Variants in ST6GALNAC3 observed in about 807,000 individuals in gnomAD.
ST6GALNAC3 encodes ST6 N-acetylgalactosaminide alpha-2,6-sialyltransferase 3, also known as alpha-N-acetylgalactosaminide alpha-2,6-sialyltransferase 3.
In ST6GALNAC3, 25 loss-of-function variants were observed where a neutral mutation model predicts 32.7. The ratio of observed to expected loss-of-function variants is 0.76; its 90% CI spans 0.56 to 1.07. The LOEUF (loss-of-function observed/expected upper bound fraction) is 1.07. Ranked by LOEUF, ST6GALNAC3 falls within the 50% of genes least tolerant of loss-of-function variation. The pLI is 0.00. For synonymous variants in ST6GALNAC3, 129 were observed against 133.1 expected, an observed-to-expected ratio of 0.97 and a Z score of 0.21; for missense variants, 355 against 382.4, an observed-to-expected ratio of 0.93 and a Z score of 0.60.
intron 1 of ST6GALNAC3, among the ~76,000 whole-genome samples, chr1:76,287,387 CT>C (rs5775339): frequency 0.26 from 33,654 of 130,258 alleles, 2,711 homozygotes; most frequent in South Asian, 0.36. Context: ...TTTTTTCTTC[CT>C]TTTTTTTTTT....
At chr1:76,421,096 T>C (rs1655000970) in intron 3 of ST6GALNAC3, among the ~76,000 whole-genome samples, 1 of 152,086 alleles carries the variant, frequency 6.6e-6, no homozygotes, top group South Asian at 2.1e-4. Flanking sequence ...AATAAATAAA[T>C]GGACGAGTAA....
intron 1 of ST6GALNAC3, among the ~76,000 whole-genome samples, chr1:76,269,656 G>GA (rs1459883695): frequency 8.5e-5 from 13 of 152,206 alleles, no homozygotes; most frequent in African/African-American, 3.1e-4. Context: ...TAATGGAACT[G>GA]ACTCTCCTAC....
intron 2 of ST6GALNAC3, among the ~76,000 whole-genome samples, chr1:76,380,705 C>A (rs1305328107): frequency 6.6e-6 from 1 of 152,002 alleles, no homozygotes; most frequent in Non-Finnish European, 1.5e-5. Flanking sequence ...ACCTGGATGA[C>A]AAAGAAGCAT....
intron 3 of ST6GALNAC3, among the ~76,000 whole-genome samples, chr1:76,480,059 G>A (rs1443425727): frequency 2.0e-5 from 3 of 152,134 alleles, no homozygotes; most frequent in East Asian, 3.9e-4. Flanking sequence ...GTAATTAAAT[G>A]TGTGAAACTA....
At chr1:76,596,629 G>A (rs1461745425) in intron 3 of ST6GALNAC3, among the ~76,000 whole-genome samples, 4 of 152,174 alleles carry the variant, frequency 2.6e-5, no homozygotes, top group East Asian at 3.9e-4. Flanking sequence ...ATCTCATTTC[G>A]GGAAATAAAG....
chr1:76,303,683 C>G (rs1282162777), intron 1 of ST6GALNAC3, among the ~76,000 whole-genome samples: 1 of 152,022 alleles, frequency 6.6e-6, no homozygotes, highest in Non-Finnish European at 1.5e-5. Context: ...AGGATTCTAG[C>G]TTTAAGTGTT....
intron 1 of ST6GALNAC3, among the ~76,000 whole-genome samples, chr1:76,156,791 G>A (rs1297007973): frequency 1.3e-5 from 2 of 152,108 alleles, no homozygotes; most frequent in East Asian, 3.9e-4. Flanking sequence ...GAGTACAGTG[G>A]CGCGATCTTG....
chr1:76,612,008 C>G (rs1172606911), intron 3 of ST6GALNAC3, among the ~76,000 whole-genome samples: 1 of 152,216 alleles, frequency 6.6e-6, no homozygotes, highest in Admixed American at 6.5e-5. Context: ...GGCCATTCCA[C>G]AGTAAAGACA....
chr1:76,209,449 C>G (rs964350856), intron 1 of ST6GALNAC3, among the ~76,000 whole-genome samples: 1 of 152,148 alleles, frequency 6.6e-6, no homozygotes, highest in African/African-American at 2.4e-5. Flanking sequence ...ATTTGCCAAG[C>G]CTTGCATCTG....
chr1:76,435,693 T>G (rs1656091482), intron 3 of ST6GALNAC3, among the ~76,000 whole-genome samples: 4 of 152,110 alleles, frequency 2.6e-5, no homozygotes, highest in Admixed American at 2.6e-4. Flanking sequence ...AAAAGTAGTT[T>G]TCATAGGATT....
chr1:76,395,642 A>C lies in ST6GALNAC3; in HGVS notation c.214-16366A>C, dbSNP rs571233011. On this transcript the variant is annotated intron_variant, in intron 2 of 4. Coordinates refer to ENST00000328299, the MANE Select transcript of ST6GALNAC3 (RefSeq NM_152996.4). ...ACACAGAGGAATATTATTCAGCCTT[A>C]AAAAAGAATCAGATCCTGCCATTTG... Among the ~76,000 whole-genome samples the C allele has an allele frequency of 1.2e-4, 19 of 152,214 alleles. No individual in the cohort carries two copies. In the South Asian group the frequency reaches 3.9e-3, roughly 32 times the overall value.
At chr1:76,215,646 T>C (rs1350926312) in intron 1 of ST6GALNAC3, among the ~76,000 whole-genome samples, 2 of 152,164 alleles carry the variant, frequency 1.3e-5, no homozygotes, top group Admixed American at 6.5e-5. Flanking sequence ...CCCACCCAAA[T>C]CTTGGAGCGT....
rs1006831760 is a variant in ST6GALNAC3, at chr1:76,575,681, T to C, written c.624-51771T>C. Among the ~76,000 whole-genome samples the C allele has an allele frequency of 2.0e-5, 3 of 151,968 alleles. No individual in the cohort carries two copies. In the East Asian group the frequency reaches 5.8e-4, roughly 29 times the overall value. ...GGAGCAACATACTGAAGGAAATCCGTAGGGAAAAGGTGAAATGGTGTATTT... is the reference window on the plus strand; with the variant it reads ...GGAGCAACATACTGAAGGAAATCCGCAGGGAAAAGGTGAAATGGTGTATTT... On this transcript the variant is annotated intron_variant, in intron 3 of 4. Transcript: ENST00000328299.
intron 3 of ST6GALNAC3, among the ~76,000 whole-genome samples, chr1:76,422,255 A>G (rs546248047): frequency 5.5e-4 from 83 of 152,152 alleles, no homozygotes; most frequent in Middle Eastern, 3.4e-3. Context: ...CAAACTTGCA[A>G]AAAGTTATCA....
At chr1:76,578,999 C>T (rs1386841063) in intron 3 of ST6GALNAC3, among the ~76,000 whole-genome samples, 1 of 151,978 alleles carries the variant, frequency 6.6e-6, no homozygotes, top group African/African-American at 2.4e-5. Flanking sequence ...TTCTGTCGTG[C>T]TTACGTATAT....
In ST6GALNAC3 at chr1:76,226,289, C is replaced by T. The variant is rs140611391; in HGVS notation, c.19-87516C>T. On this transcript the variant is annotated intron_variant, in intron 1 of 4. Coordinates refer to ENST00000328299, the MANE Select transcript of ST6GALNAC3 (RefSeq NM_152996.4). ...GGTACATCTGTGATTGATATTTGCC[C>T]TGTCATTTAGTGCCAATCCAGGGAG... Among the ~76,000 whole-genome samples, 5 of 152,334 alleles carry T rather than the reference C, an allele frequency of 3.3e-5. No individual in the cohort carries two copies. In the East Asian group the frequency reaches 9.6e-4, roughly 29 times the overall value.
intron 2 of ST6GALNAC3, among the ~76,000 whole-genome samples, chr1:76,397,673 C>A (rs909513713): frequency 6.6e-6 from 1 of 152,066 alleles, no homozygotes; most frequent in African/African-American, 2.4e-5. Context: ...CATGCCCGGC[C>A]AAGGTGTTCA....
chr1:76,505,008 C>T (rs942650917), intron 3 of ST6GALNAC3, among the ~76,000 whole-genome samples: 5 of 152,110 alleles, frequency 3.3e-5, no homozygotes, highest in Non-Finnish European at 4.4e-5. Flanking sequence ...GATATCTTTC[C>T]GTCATAGTCC....
intron 3 of ST6GALNAC3, among the ~76,000 whole-genome samples, chr1:76,494,228 A>G (rs74089968): frequency 0.052 from 7,814 of 151,666 alleles, 684 homozygotes; most frequent in African/African-American, 0.18. Flanking sequence ...TTAAACATCT[A>G]GTAGTCTCAT....
Sources: allele counts gnomAD v4.1 joint callset (sites outside exome capture counted in the v4.1 genomes callset), GRCh38; gene constraint gnomAD v4.1.1; transcripts MANE v1.5; gene names NCBI Gene and HGNC (gene_info 2026-07-23, HGNC 2026-07-21).